Variants in EEA1 observed in about 807,000 individuals in gnomAD.
The protein encoded by EEA1 is early endosome antigen 1, 162kD.
A neutral mutation model predicts 209.2 loss-of-function variants in EEA1; 111 were observed. The ratio of observed to expected loss-of-function variants is 0.53; its 90% CI spans 0.45 to 0.62. The LOEUF is 0.62. Among genes scored for constraint, EEA1 ranks in the 20% least tolerant of loss-of-function variants. EEA1 has a pLI of 0.00. For missense variants in EEA1, 1,343 were observed against 1,530.8 expected, an observed-to-expected ratio of 0.88 and a Z score of 2.05; for synonymous variants, 536 against 540.6, an observed-to-expected ratio of 0.99 and a Z score of 0.12.
intron 18 of EEA1, among the ~76,000 whole-genome samples, chr12:92,808,284 G>A (rs547263576): frequency 6.6e-6 from 1 of 152,208 alleles, no homozygotes; most frequent in East Asian, 1.9e-4. Flanking sequence ...TGTCCTATAT[G>A]GTGCTGTGGC....
In EEA1 at chr12:92,808,563, A is replaced by G. The variant is rs190417607; in HGVS notation, c.2339+454T>C. Among the ~76,000 whole-genome samples the G allele has an allele frequency of 4.0e-3, 600 of 151,436 alleles. 12 individuals carry two copies. Among genetic ancestry groups the G allele is most frequent in the Admixed American group, 0.019 (292 of 15,140 alleles). The stretch of plus-strand genomic sequence containing the variant: ...AGTGGTGTGACAGCCTCGACCTCCC[A>G]AGCTCAAGCAATCTTGCTATGCTAC... On this transcript the variant is annotated intron_variant, in intron 18 of 28. Transcript: ENST00000322349.
At chr12:92,826,071 A>C in intron 13 of EEA1, 95 bp downstream of exon 13, 1 of 1,313,708 alleles carries the variant, frequency 7.6e-7, no homozygotes, top group East Asian at 2.6e-5. Context: ...CAAAAGGATA[A>C]TGATTTGGAT....
chr12:92,804,521 G>A (rs1242690739), intron 18 of EEA1, among the ~76,000 whole-genome samples: 8 of 140,060 alleles, frequency 5.7e-5, no homozygotes, highest in East Asian at 2.1e-4. Flanking sequence ...GCAGTGAGCC[G>A]AGATCACGCC....
intron 20 of EEA1, among the ~76,000 whole-genome samples, chr12:92,800,014 G>C (rs983731627): frequency 6.6e-6 from 1 of 152,046 alleles, no homozygotes; most frequent in African/African-American, 2.4e-5. Flanking sequence ...CTTGAGGTCA[G>C]GAGCTCGAGA....
At position 92,778,144 on chromosome 12, in the gene EEA1, C is replaced by A. The variant is rs1873742667; in HGVS notation, c.3690G>T (p.Lys1230Asn). 2 of 1,612,830 alleles carry A rather than the reference C, an allele frequency of 1.2e-6. No homozygotes were observed. Among genetic ancestry groups the A allele is most frequent in the Non-Finnish European group, 1.7e-6 (2 of 1,179,310 alleles). The change falls in exon 26 of 29, where the codon AAG becomes AAT. Residue 1230 changes from lysine (K) to asparagine (N), a missense_variant. Around this residue, in one of 3 missense-constraint regions of EEA1, gnomAD observed 1,307 missense variants for 1,465.5 expected, o/e 0.89. Transcript: ENST00000322349. Reference protein sequence around the residue: ...SEIKEKEVGMKKHEENEAKLT... With the variant: ...SEIKEKEVGMNKHEENEAKLT... The stretch of plus-strand genomic sequence containing the variant: ...GTTTAGCCTCATTTTCTTCATGCTT[C>A]TTCATTCCTACTTCCTTTTCTTTTA...
In EEA1 at chr12:92,905,160, C is replaced by G. The variant is rs570146178; in HGVS notation, c.25-13439G>C. ...TGACAAATGACATTCCTTTCACCTC[C>G]ATCACTCAAGGAATTCCAAGTTTTA... On this transcript the variant is annotated intron_variant, in intron 1 of 28. Coordinates refer to ENST00000322349, the MANE Select transcript of EEA1 (RefSeq NM_003566.4). Among the ~76,000 whole-genome samples, 3 of 152,158 alleles carry G rather than the reference C, an allele frequency of 2.0e-5. No homozygotes were observed. The East Asian group carries it at 5.8e-4, about 29-fold the overall frequency.
At chr12:92,851,720 GATT>G (rs1877639624) in intron 8 of EEA1, among the ~76,000 whole-genome samples, 1 of 152,136 alleles carries the variant, frequency 6.6e-6, no homozygotes, top group Non-Finnish European at 1.5e-5. Context: ...ACAGATCCAA[GATT>G]ATTAAGTCTT....
intron 3 of EEA1, chr12:92,858,050 G>A (rs572775165): frequency 9.2e-5 from 36 of 393,270 alleles, no homozygotes; most frequent in African/African-American, 5.5e-4. Context: ...CCTTCTCAAC[G>A]CCACTTCCAC....
intron 21 of EEA1, among the ~76,000 whole-genome samples, chr12:92,791,932 C>A (rs1874421386): frequency 6.6e-6 from 1 of 152,168 alleles, no homozygotes; most frequent in African/African-American, 2.4e-5. Flanking sequence ...TCTCTCAGAT[C>A]ACAGTGCCAT....
chr12:92,793,939 G>A (rs1397342627), intron 21 of EEA1, among the ~76,000 whole-genome samples: 1 of 152,132 alleles, frequency 6.6e-6, no homozygotes, highest in Non-Finnish European at 1.5e-5. Context: ...AGAGCGAACA[G>A]GCAACCTACA....
intron 12 of EEA1, 152 bp downstream of exon 12, chr12:92,827,760 A>T: frequency 4.2e-6 from 3 of 714,092 alleles, no homozygotes; most frequent in Non-Finnish European, 4.2e-6. Context: ...AAAATGACTT[A>T]ATGTAGTTAA....
chr12:92,838,964 T>C (rs1214553724), intron 10 of EEA1, among the ~76,000 whole-genome samples: 1 of 152,154 alleles, frequency 6.6e-6, no homozygotes. Context: ...AGACTATTAA[T>C]ATTCGGACTT....
At chr12:92,800,661 A>G (rs1294917741) in intron 20 of EEA1, among the ~76,000 whole-genome samples, 1 of 152,242 alleles carries the variant, frequency 6.6e-6, no homozygotes, top group Non-Finnish European at 1.5e-5. Context: ...TAGTCAGTGT[A>G]CTGAGTACTT....
rs748241824 is a variant in EEA1 at position 92,778,108 on chromosome 12, C to T, written c.3726G>A (p.Gln1242=). The change falls in exon 26 of 29, where the codon CAG becomes CAA. Residue 1242 remains glutamine (Q), a synonymous_variant. Coordinates refer to ENST00000322349, the MANE Select transcript of EEA1 (RefSeq NM_003566.4). ...CTAAGTTTTCATTTAATGCTGTAAT[C>T]TGCATGGTAAGTTTAGCCTCATTTT... is the stretch of plus-strand genomic sequence containing the variant. The part of the protein sequence containing the change: ...HEENEAKLTM[Q]ITALNENLGT... The T allele has an allele frequency of 6.2e-7, 1 of 1,613,424 alleles. No individual in the cohort carries two copies. The highest frequency in any genetic ancestry group is 8.5e-7 in the Non-Finnish European group (1 of 1,179,538).
intron 2 of EEA1, among the ~76,000 whole-genome samples, chr12:92,891,257 A>C (rs780402590): frequency 1.1e-4 from 16 of 152,110 alleles, no homozygotes; most frequent in Non-Finnish European, 1.9e-4. Flanking sequence ...GAAGACAGTA[A>C]ATAATATGTA....
chr12:92,823,485 T>C (rs1178161661), intron 13 of EEA1, among the ~76,000 whole-genome samples: 7 of 152,250 alleles, frequency 4.6e-5, no homozygotes, highest in Admixed American at 1.3e-4. Context: ...TCATCCTTTG[T>C]GCTCAGATTG....
intron 1 of EEA1, among the ~76,000 whole-genome samples, chr12:92,898,731 C>CTTTTTTTTTT (rs772593153): frequency 2.6e-5 from 2 of 76,110 alleles, no homozygotes; most frequent in East Asian, 2.8e-4. Flanking sequence ...CTTTTTTTCC[C>CTTTTTTTTTT]TTTTTTTTTT....
chr12:92,845,682 T>A (rs573815483), intron 9 of EEA1, among the ~76,000 whole-genome samples: 1 of 152,332 alleles, frequency 6.6e-6, no homozygotes, highest in Non-Finnish European at 1.5e-5. Flanking sequence ...ACTTTATTTT[T>A]CTTCCTCGCA....
chr12:92,921,766 A>AT (rs1208670999), intron 1 of EEA1, among the ~76,000 whole-genome samples: 2 of 149,014 alleles, frequency 1.3e-5, no homozygotes, highest in African/African-American at 4.9e-5. Context: ...AAAGAAAAAA[A>AT]AAAAAAAAAA....
Sources: allele counts gnomAD v4.1 joint callset (sites outside exome capture counted in the v4.1 genomes callset), GRCh38; gene constraint gnomAD v4.1.1; regional missense constraint gnomAD v4.1.1; transcripts MANE v1.5; gene names NCBI Gene and HGNC (gene_info 2026-07-23, HGNC 2026-07-21).